The following ELOVL5 variants were observed in gnomAD, a reference collection of about 807,000 sequenced individuals.
ELOVL5 encodes very long chain fatty acid elongase 5.
ELOVL5 carries 8 observed loss-of-function variants against 38.6 expected under a neutral mutation model. The ratio of observed to expected loss-of-function variants is 0.21; its 90% confidence interval spans 0.12 to 0.37. The LOEUF is 0.37. Among genes scored for constraint, ELOVL5 ranks in the 10% least tolerant of loss-of-function variants. The pLI, the probability that ELOVL5 is intolerant of heterozygous loss-of-function variation, is 1.00. For missense variants in ELOVL5, 280 were observed against 367.8 expected, an observed-to-expected ratio of 0.76 and a Z score of 1.95; for synonymous variants, 127 against 133.7, an observed-to-expected ratio of 0.95 and a Z score of 0.34.
intron 2 of ELOVL5, among the ~76,000 whole-genome samples, chr6:53,293,654 T>C (rs1449617931): frequency 1.3e-5 from 2 of 152,190 alleles, no homozygotes; most frequent in Non-Finnish European, 2.9e-5. Flanking sequence ...CTGGACCATC[T>C]TGCTACTCTC....
chr6:53,318,965 T>C (rs1009328864), intron 1 of ELOVL5, among the ~76,000 whole-genome samples: 17 of 152,064 alleles, frequency 1.1e-4, no homozygotes, highest in African/African-American at 4.1e-4. Context: ...TCCACTCATG[T>C]GGACACTCAA....
chr6:53,271,777 T>C (rs1387162458), intron 6 of ELOVL5, among the ~76,000 whole-genome samples: 1 of 151,912 alleles, frequency 6.6e-6, no homozygotes, highest in Non-Finnish European at 1.5e-5. Context: ...TTCTCTTTTT[T>C]AAGGTTAGTA....
At chr6:53,348,520 G>A (rs1166756957) in intron 1 of ELOVL5, among the ~76,000 whole-genome samples, 1 of 152,188 alleles carries the variant, frequency 6.6e-6, no homozygotes, top group African/African-American at 2.4e-5. Context: ...GCGCGCACAG[G>A]TGGGACCGCA....
At chr6:53,302,938 G>C (rs1767319484) in intron 1 of ELOVL5, among the ~76,000 whole-genome samples, 1 of 152,040 alleles carries the variant, frequency 6.6e-6, no homozygotes, top group East Asian at 1.9e-4. Flanking sequence ...TGAGTCAGCT[G>C]AGTTTACAAA....
chr6:53,273,146 C>T, intron 6 of ELOVL5, 74 bp downstream of exon 6: 1 of 1,525,344 alleles, frequency 6.6e-7, no homozygotes. Flanking sequence ...GATGCTATTA[C>T]ATAACACTAA....
Position 53,274,376 on chromosome 6 carries a change from G to A in ELOVL5, c.496+714C>T, listed in dbSNP as rs182665216. 7.4e-4 allele frequency among the ~76,000 whole-genome samples: 112 copies of A among 152,050 alleles called. 2 individuals carry two copies. In the East Asian group the frequency reaches 0.019, roughly 25 times the overall value. The stretch of plus-strand genomic sequence containing the variant: ...TCCATGACACTGTGAATCTTAGCAG[G>A]CTCAGGTAATCAAGGGCAGTGCTAT... On this transcript the variant is annotated intron_variant, in intron 5 of 7. Coordinates refer to ENST00000304434, the MANE Select transcript of ELOVL5 (RefSeq NM_021814.5).
chr6:53,270,831 C>T, intron 6 of ELOVL5, 104 bp from the exon 7 acceptor site: 3 of 1,310,736 alleles, frequency 2.3e-6, no homozygotes, highest in Non-Finnish European at 3.2e-6. Context: ...TGAATTAACA[C>T]TTACTACCCT....
intron 1 of ELOVL5, among the ~76,000 whole-genome samples, chr6:53,346,486 C>CTA (rs1769547588): frequency 6.6e-6 from 1 of 151,900 alleles, no homozygotes; most frequent in Non-Finnish European, 1.5e-5. Context: ...TGTACATGTG[C>CTA]GTATTAATAA....
chr6:53,270,555 G>GCCC (rs769393473), intron 7 of ELOVL5, 38 bp downstream of exon 7: 4 of 1,609,790 alleles, frequency 2.5e-6, no homozygotes, highest in Non-Finnish European at 1.7e-6. Context: ...GTTGGTAAAG[G>GCCC]CCCCAGATTC....
In ELOVL5 at chr6:53,269,180, T is replaced by G; in HGVS notation, c.847A>C (p.Ser283Arg). ...SMAAVNGHTN[S>R]FSPLENNVKP... is the part of the protein sequence containing the mutation. ...ACATTGTTTTCCAGGGGTGAAAAGC[T>G]GTTGGTGTGTCCATTCACAGCAGCC... The change falls in exon 8 of 8, where the codon AGC becomes CGC. Residue 283 changes from serine (S) to arginine (R), a missense_variant. Around this residue, in one of 3 missense-constraint regions of ELOVL5, gnomAD observed 125 missense variants for 158.9 expected, o/e 0.79. Coordinates refer to ENST00000304434, the MANE Select transcript of ELOVL5 (RefSeq NM_021814.5). 1 of 1,614,086 alleles carries G rather than the reference T, an allele frequency of 6.2e-7. No individual in the cohort carries two copies. Among genetic ancestry groups the G allele is most frequent in the Non-Finnish European group, 8.5e-7 (1 of 1,179,966 alleles).
intron 1 of ELOVL5, chr6:53,337,237 T>C (rs209510): frequency 0.4 from 60,241 of 152,272 alleles, 14,157 homozygotes; most frequent in East Asian, 0.58. Context: ...TGTGAGCAGC[T>C]TGATCATCTC....
chr6:53,318,346 A>G (rs765984050), intron 1 of ELOVL5, among the ~76,000 whole-genome samples: 2 of 152,196 alleles, frequency 1.3e-5, no homozygotes, highest in Admixed American at 1.3e-4. Context: ...GAAAACCTCA[A>G]TCTCCTCACC....
At chr6:53,317,047 G>A (rs1768074101) in intron 1 of ELOVL5, among the ~76,000 whole-genome samples, 1 of 152,152 alleles carries the variant, frequency 6.6e-6, no homozygotes, top group African/African-American at 2.4e-5. Context: ...AATGTAAGAA[G>A]TTCATCCTTA....
At chr6:53,307,015 C>T (rs962218472) in intron 1 of ELOVL5, among the ~76,000 whole-genome samples, 1 of 152,168 alleles carries the variant, frequency 6.6e-6, no homozygotes, top group Non-Finnish European at 1.5e-5. Flanking sequence ...AGTTAGTCAT[C>T]CTCCTGACTG....
chr6:53,329,013 G>C (rs186241136), intron 1 of ELOVL5, among the ~76,000 whole-genome samples: 1 of 152,296 alleles, frequency 6.6e-6, no homozygotes, highest in Admixed American at 6.5e-5. Flanking sequence ...CCCACCTGGT[G>C]AAGTTCACAT....
In ELOVL5 at chr6:53,291,886, C is replaced by T. The variant is rs752250666; in HGVS notation, c.136G>A (p.Val46Ile). The change falls in exon 3 of 8, where the codon GTA becomes ATA. Residue 46 changes from valine to isoleucine, a missense_variant. Coordinates refer to ENST00000304434, the MANE Select transcript of ELOVL5 (RefSeq NM_021814.5). ...FICSVIYLLI[V>I]WLGPKYMRNK... ...CTCATGTATTTTGGTCCCAGCCATA[C>T]AATTAGTAAATATATGACAGAGCAG... 6.2e-7 allele frequency: 1 copy of T among 1,613,032 alleles called. No homozygotes were observed. The highest frequency in any genetic ancestry group is 1.1e-5 in the South Asian group (1 of 91,046).
intron 3 of ELOVL5, among the ~76,000 whole-genome samples, chr6:53,283,573 A>G (rs1766445325): frequency 6.6e-6 from 1 of 152,216 alleles, no homozygotes. Context: ...TTATGGAATA[A>G]AAAAAGAGCA....
Position 53,291,982 on chromosome 6 carries a change from T to G in ELOVL5, c.59-19A>C, listed in dbSNP as rs765465908. The G allele has an allele frequency of 1.9e-5, 27 of 1,410,842 alleles. No homozygotes were observed. Among genetic ancestry groups the G allele is most frequent in the Non-Finnish European group, 2.3e-5 (24 of 1,046,374 alleles). The allele number at this position is 1,410,842 out of a possible 1,614,324, so 87.4% of individuals were successfully genotyped here. A position where few individuals can be genotyped will look rare whatever the true frequency, so the allele number is the denominator to read the frequency against. ...CTAGTATCTGAAAAATTAAAAAAAATTAATGATATATAAAAACATTCACAA... is the reference window on the plus strand; with the variant it reads ...CTAGTATCTGAAAAATTAAAAAAAAGTAATGATATATAAAAACATTCACAA... On this transcript the variant is annotated intron_variant, in intron 2 of 7. Coordinates refer to ENST00000304434, the MANE Select transcript of ELOVL5 (RefSeq NM_021814.5).
At chr6:53,321,241 T>G (rs1385286389) in intron 1 of ELOVL5, among the ~76,000 whole-genome samples, 1 of 152,166 alleles carries the variant, frequency 6.6e-6, no homozygotes. Context: ...ACGTTACCTG[T>G]GACAAAAGGG....
Sources: gnomAD v4.1 joint callset for allele counts (sites outside exome capture counted in the v4.1 genomes callset) on GRCh38, gnomAD v4.1.1 for gene constraint, gnomAD v4.1.1 regional missense constraint, MANE v1.5 for transcripts, NCBI Gene and HGNC (gene_info 2026-07-23, HGNC 2026-07-21) for gene names.